Variants in PKN2 observed in about 807,000 individuals in gnomAD.
The protein encoded by PKN2 is protein kinase N2.
A neutral mutation model predicts 119.1 loss-of-function variants in PKN2; 38 were observed. The ratio of observed to expected loss-of-function variants is 0.32; its 90% confidence interval spans 0.25 to 0.42. The LOEUF is 0.42. Ranked by LOEUF, PKN2 falls within the 10% of genes least tolerant of loss-of-function variation. The probability of loss-of-function intolerance (pLI) is 1.00; values close to 1 mark genes in which losing one functional copy is unlikely to be tolerated. For missense variants in PKN2, 850 were observed against 1,165.1 expected, an observed-to-expected ratio of 0.73 and a Z score of 3.94; for synonymous variants, 390 against 384.9, an observed-to-expected ratio of 1.01 and a Z score of -0.15.
chr1:88,787,523 C>A (rs552764510), intron 8 of PKN2, among the ~76,000 whole-genome samples: 1 of 152,102 alleles, frequency 6.6e-6, no homozygotes, highest in African/African-American at 2.4e-5. Flanking sequence ...AATGGATGCT[C>A]TTTTTCTCTC....
intron 8 of PKN2, 92 bp from the exon 9 acceptor site, chr1:88,804,299 T>C (rs1260179129): frequency 2.9e-6 from 3 of 1,022,332 alleles, no homozygotes; most frequent in Non-Finnish European, 4.3e-6. Context: ...GTTTATTGTA[T>C]TTGTATTTCA....
intron 8 of PKN2, among the ~76,000 whole-genome samples, chr1:88,799,607 TCCTTG>T (rs1254484858): frequency 6.6e-6 from 1 of 152,186 alleles, no homozygotes; most frequent in East Asian, 1.9e-4. Flanking sequence ...CCTTTCTCCT[TCCTTG>T]CCTTGCCTTG....
At chr1:88,718,742 G>A (rs1398523390) in intron 1 of PKN2, among the ~76,000 whole-genome samples, 2 of 152,102 alleles carry the variant, frequency 1.3e-5, no homozygotes, top group Non-Finnish European at 2.9e-5. Flanking sequence ...GAATTCTGCA[G>A]CCTTTCACAA....
chr1:88,709,189 GA>G (rs1461487546), intron 1 of PKN2, among the ~76,000 whole-genome samples: 5 of 151,882 alleles, frequency 3.3e-5, no homozygotes, highest in African/African-American at 1.2e-4. Flanking sequence ...GAGTAGCTGG[GA>G]TTACAGGTGC....
intron 1 of PKN2, chr1:88,684,990 T>G: frequency 4.9e-6 from 1 of 206,050 alleles, no homozygotes; most frequent in Non-Finnish European, 9.6e-6. Context: ...TGTTGCCCCC[T>G]CCCTTCGCGC....
intron 3 of PKN2, among the ~76,000 whole-genome samples, chr1:88,763,703 T>C (rs1047085085): frequency 6.6e-6 from 1 of 152,198 alleles, no homozygotes; most frequent in Non-Finnish European, 1.5e-5. Context: ...TTAAGTAGTT[T>C]TTTGCAGTAG....
chr1:88,720,197 T>A (rs1667615659), intron 1 of PKN2, among the ~76,000 whole-genome samples: 1 of 152,048 alleles, frequency 6.6e-6, no homozygotes, highest in African/African-American at 2.4e-5. Context: ...ATTTTTGCAA[T>A]TTTTGTAGAG....
chr1:88,700,712 G>A (rs1666738894), intron 1 of PKN2, among the ~76,000 whole-genome samples: 1 of 152,132 alleles, frequency 6.6e-6, no homozygotes, highest in Non-Finnish European at 1.5e-5. Context: ...TTCATGTCAC[G>A]TAAAACTATG....
intron 1 of PKN2, among the ~76,000 whole-genome samples, chr1:88,710,826 C>G (rs1667200332): frequency 6.6e-6 from 1 of 152,134 alleles, no homozygotes. Flanking sequence ...ATAAATCATT[C>G]TATTATAAAG....
At chr1:88,782,743 G>A (rs1670397432) in intron 6 of PKN2, among the ~76,000 whole-genome samples, 1 of 151,856 alleles carries the variant, frequency 6.6e-6, no homozygotes, top group African/African-American at 2.4e-5. Context: ...TGATGTCCTT[G>A]CCTTCTAACC....
chr1:88,827,537 A>C (rs1672547074), intron 18 of PKN2, among the ~76,000 whole-genome samples: 1 of 151,958 alleles, frequency 6.6e-6, no homozygotes, highest in South Asian at 2.1e-4. Flanking sequence ...GTGCCCAAAA[A>C]GTTTCAGATT....
intron 2 of PKN2, among the ~76,000 whole-genome samples, chr1:88,750,026 G>A (rs1668924727): frequency 6.6e-6 from 1 of 152,172 alleles, no homozygotes; most frequent in South Asian, 2.1e-4. Flanking sequence ...AAATGGTTGT[G>A]TGGTGTATAC....
intron 16 of PKN2, among the ~76,000 whole-genome samples, chr1:88,820,180 C>CTATATATA (rs397980752): frequency 4.8e-4 from 34 of 70,694 alleles, no homozygotes; most frequent in East Asian, 9.7e-4. Flanking sequence ...TTTCAGAAAC[C>CTATATATA]TATATATATA....
chr1:88,719,532 T>A (rs1237451585), intron 1 of PKN2, among the ~76,000 whole-genome samples: 1 of 152,168 alleles, frequency 6.6e-6, no homozygotes, highest in Non-Finnish European at 1.5e-5. Context: ...AACAAAGACA[T>A]CTCTGGGCTT....
chr1:88,784,167 TTGG>T (rs1448237724), intron 6 of PKN2, among the ~76,000 whole-genome samples: 1 of 139,202 alleles, frequency 7.2e-6, no homozygotes, highest in Admixed American at 7.5e-5. Context: ...AGAGAGAGTC[TTGG>T]TGGAATGCAG....
chr1:88,702,184 CT>C (rs1666799924), intron 1 of PKN2, among the ~76,000 whole-genome samples: 1 of 152,138 alleles, frequency 6.6e-6, no homozygotes, highest in Non-Finnish European at 1.5e-5. Context: ...GTCTCGAACT[CT>C]TGAGCCCAGG....
Position 88,828,639 on chromosome 1 carries a change from TAGGTAAGA to T in PKN2, c.2562+17_2562+24del. ...TGTTGGTGAGGTAAGCAGTGTGAAA[TAGGTAAGA>T]GAACAGAGGAAGGATGATTGAAATA... On this transcript the variant is annotated intron_variant, in intron 19 of 21. Coordinates refer to ENST00000370521, the MANE Select transcript of PKN2 (RefSeq NM_006256.4). 6.3e-7 allele frequency: 1 copy of T among 1,596,580 alleles called. No homozygotes were observed. Among genetic ancestry groups the T allele is most frequent in the Non-Finnish European group, 8.6e-7 (1 of 1,166,760 alleles).
At chr1:88,824,428 C>G (rs1672417175) in intron 18 of PKN2, 42 bp downstream of exon 18, 8 of 1,140,074 alleles carry the variant, frequency 7.0e-6, no homozygotes, top group Non-Finnish European at 1.1e-5. Flanking sequence ...TTCAGAATTA[C>G]TGTTTCTTTG....
chr1:88,744,801 A>G (rs899736528), intron 2 of PKN2, among the ~76,000 whole-genome samples: 1 of 152,242 alleles, frequency 6.6e-6, no homozygotes, highest in African/African-American at 2.4e-5. Flanking sequence ...GATTTTTATC[A>G]GATGAACTTT....
Sources: allele counts gnomAD v4.1 joint callset (sites outside exome capture counted in the v4.1 genomes callset), GRCh38; gene constraint gnomAD v4.1.1; transcripts MANE v1.5; gene names NCBI Gene and HGNC (gene_info 2026-07-23, HGNC 2026-07-21).